Variants in HDAC9 observed in about 807,000 individuals in gnomAD.
HDAC9 encodes histone deacetylase 9, also known as MEF-2 interacting transcription repressor (MITR) protein.
A neutral mutation model predicts 139.4 loss-of-function variants in HDAC9; 41 were observed. The ratio of observed to expected loss-of-function variants is 0.29; its 90% CI spans 0.23 to 0.38. HDAC9 has a LOEUF of 0.38. Ranked by LOEUF, HDAC9 falls within the 10% of genes least tolerant of loss-of-function variation. The pLI is 1.00. For missense variants in HDAC9, 1,147 were observed against 1,297.0 expected, an observed-to-expected ratio of 0.88 and a Z score of 1.78; for synonymous variants, 517 against 476.2, an observed-to-expected ratio of 1.09 and a Z score of -1.12.
At chr7:18,391,093 A>T (rs1404213600) in intron 1 of HDAC9, among the ~76,000 whole-genome samples, 2 of 152,158 alleles carry the variant, frequency 1.3e-5, no homozygotes, top group African/African-American at 4.8e-5. Flanking sequence ...CATCTCAAAG[A>T]ACAAAGTTCA....
intron 1 of HDAC9, among the ~76,000 whole-genome samples, chr7:18,396,202 T>G (rs1787043155): frequency 6.6e-6 from 1 of 150,796 alleles, no homozygotes; most frequent in Admixed American, 6.6e-5. Flanking sequence ...GGACATTGTG[T>G]GCCAGGTACT....
chr7:18,941,860 T>C (rs1350948539), intron 23 of HDAC9, among the ~76,000 whole-genome samples: 1 of 152,092 alleles, frequency 6.6e-6, no homozygotes, highest in Admixed American at 6.5e-5. Flanking sequence ...CAGAGCCAAA[T>C]TGGTTGTGGA....
In HDAC9 at chr7:18,296,649, A is replaced by G. The variant is rs569978034; in HGVS notation, c.-42+6134A>G. On this transcript the variant is annotated intron_variant, in intron 1 of 3. Transcript: ENST00000413509. ...TATGAAATTAGTTTTTAAAATGTCTATGCCTGTAGGATGGATTGGAAAGGA... is the reference window on the plus strand; with the variant it reads ...TATGAAATTAGTTTTTAAAATGTCTGTGCCTGTAGGATGGATTGGAAAGGA... 3.3e-5 allele frequency among the ~76,000 whole-genome samples: 5 copies of G among 152,316 alleles called. No individual in the cohort carries two copies. The South Asian group carries it at 6.2e-4, about 19-fold the overall frequency.
At chr7:18,935,465 A>G (rs1781565212) in intron 22 of HDAC9, among the ~76,000 whole-genome samples, 1 of 152,154 alleles carries the variant, frequency 6.6e-6, no homozygotes, top group Non-Finnish European at 1.5e-5. Context: ...AGCAAATGGA[A>G]GAGTTTACCT....
At chr7:18,314,363 ATC>A in intron 1 of HDAC9, among the ~76,000 whole-genome samples, 1 of 152,290 alleles carries the variant, frequency 6.6e-6, no homozygotes, top group Non-Finnish European at 1.5e-5. Context: ...AGGCTGAAAA[ATC>A]CCAAGACAGA....
At chr7:18,675,630 C>A (rs564671764) in intron 12 of HDAC9, among the ~76,000 whole-genome samples, 9 of 151,784 alleles carry the variant, frequency 5.9e-5, no homozygotes, top group African/African-American at 1.4e-4. Flanking sequence ...CTTCTGTAAT[C>A]AAAAAAAATT....
At chr7:18,748,194 A>G (rs1375611073) in intron 13 of HDAC9, among the ~76,000 whole-genome samples, 1 of 152,130 alleles carries the variant, frequency 6.6e-6, no homozygotes, top group Non-Finnish European at 1.5e-5. Flanking sequence ...AAAAAGTCCT[A>G]TTTTAAGTTC....
intron 17 of HDAC9, among the ~76,000 whole-genome samples, chr7:18,795,801 C>G (rs1331986581): frequency 6.6e-6 from 1 of 152,156 alleles, no homozygotes; most frequent in Non-Finnish European, 1.5e-5. Flanking sequence ...CGCTATTCAA[C>G]AACCACAAAA....
chr7:18,119,898 A>G (rs1412914564), intron 1 of HDAC9, among the ~76,000 whole-genome samples: 1 of 152,214 alleles, frequency 6.6e-6, no homozygotes, highest in Non-Finnish European at 1.5e-5. Context: ...CATATTGAGA[A>G]TTCATTTCAT....
At chr7:18,368,071 G>A (rs796688683) in intron 1 of HDAC9, among the ~76,000 whole-genome samples, 19 of 151,960 alleles carry the variant, frequency 1.3e-4, no homozygotes, top group East Asian at 1.9e-4. Context: ...TACTAATCCC[G>A]TGTCAATTTT....
intron 16 of HDAC9, among the ~76,000 whole-genome samples, chr7:18,790,312 A>C (rs1792187284): frequency 6.6e-6 from 1 of 152,204 alleles, no homozygotes; most frequent in South Asian, 2.1e-4. Flanking sequence ...TACCTTTTGA[A>C]AGTAATTAAG....
intron 12 of HDAC9, among the ~76,000 whole-genome samples, chr7:18,712,180 A>C (rs1472646853): frequency 6.6e-6 from 1 of 152,024 alleles, no homozygotes; most frequent in East Asian, 1.9e-4. Context: ...ACATTTTTTC[A>C]TTCTTTAATA....
At chr7:18,719,069 G>C (rs1784929086) in intron 12 of HDAC9, among the ~76,000 whole-genome samples, 1 of 152,088 alleles carries the variant, frequency 6.6e-6, no homozygotes, top group South Asian at 2.1e-4. Flanking sequence ...ACAAATGTCT[G>C]TTCAGAACTT....
intron 24 of HDAC9, among the ~76,000 whole-genome samples, chr7:18,965,329 A>G (rs1332860276): frequency 6.6e-6 from 1 of 152,226 alleles, no homozygotes; most frequent in Non-Finnish European, 1.5e-5. Flanking sequence ...GCAACATTCA[A>G]TGCATTTTAG....
intron 24 of HDAC9, among the ~76,000 whole-genome samples, chr7:18,974,942 C>T (rs920462915): frequency 2.0e-5 from 3 of 152,128 alleles, no homozygotes; most frequent in African/African-American, 4.8e-5. Flanking sequence ...CACTGCATAC[C>T]AAAGTTCTTG....
chr7:18,709,852 A>G (rs923311400), intron 12 of HDAC9, among the ~76,000 whole-genome samples: 1 of 152,170 alleles, frequency 6.6e-6, no homozygotes, highest in African/African-American at 2.4e-5. Context: ...CTGTGATTCT[A>G]TGCTTCACCC....
chr7:18,864,665 T>C (rs1188630449), intron 21 of HDAC9, among the ~76,000 whole-genome samples: 5 of 151,372 alleles, frequency 3.3e-5, no homozygotes, highest in Admixed American at 6.6e-5. Context: ...TAAACAAATA[T>C]TTTATCACCC....
chr7:18,585,608 G>A (rs1455322334), intron 3 of HDAC9, 86 bp downstream of exon 3: 4 of 1,480,588 alleles, frequency 2.7e-6, no homozygotes, highest in South Asian at 2.5e-5. Flanking sequence ...CACTTTGCGG[G>A]TAGATTCACT....
intron 2 of HDAC9, among the ~76,000 whole-genome samples, chr7:18,579,434 G>T (rs978393175): frequency 6.6e-6 from 1 of 152,158 alleles, no homozygotes; most frequent in Non-Finnish European, 1.5e-5. Context: ...AGTACAGAAG[G>T]CAGCCTCTTC....
Sources: gnomAD v4.1 joint callset for allele counts (sites outside exome capture counted in the v4.1 genomes callset) on GRCh38, gnomAD v4.1.1 for gene constraint, MANE v1.5 for transcripts, NCBI Gene and HGNC (gene_info 2026-07-23, HGNC 2026-07-21) for gene names.